Variants in MYH7B observed in about 807,000 individuals in gnomAD.
MYH7B encodes myosin heavy chain 7B.
In MYH7B, 205 loss-of-function variants were observed where a neutral mutation model predicts 234.5. The ratio of observed to expected loss-of-function variants is 0.87; its 90% CI spans 0.78 to 0.98. The LOEUF is 0.98. Among genes scored for constraint, MYH7B ranks in the 50% least tolerant of loss-of-function variants. The pLI is 0.00. For synonymous variants in MYH7B, 1,193 were observed against 1,105.0 expected (o/e 1.08, Z -1.58); for missense variants, 2,652 against 2,633.4 (o/e 1.01, Z -0.15).
chr20:34,984,563 C>A, intron 10 of MYH7B, 129 bp from the exon 11 acceptor site: 1 of 777,344 alleles, frequency 1.3e-6, no homozygotes, highest in Non-Finnish European at 2.1e-6. Context: ...AGGGTGGGGG[C>A]CATGCATTCC....
intron 23 of MYH7B, 79 bp downstream of exon 23, chr20:34,990,904 A>G (rs938616268): frequency 1.9e-6 from 3 of 1,573,362 alleles, no homozygotes; most frequent in Admixed American, 3.4e-5. Context: ...GAGGCTGAGT[A>G]CATCTTCCCC....
chr20:34,972,457 C>T (rs75514248), intron 2 of MYH7B, among the ~76,000 whole-genome samples: 1,892 of 152,154 alleles, frequency 0.012, 32 homozygotes, highest in African/African-American at 0.043. Context: ...ACGAAGTACA[C>T]GTACCCCATT....
chr20:34,979,628 G>C (rs778356404), intron 6 of MYH7B, 33 bp from the exon 7 acceptor site: 1 of 1,613,378 alleles, frequency 6.2e-7, no homozygotes, highest in African/African-American at 1.3e-5. Flanking sequence ...GTTCCTCCCG[G>C]TCCCCCGGCC....
At chr20:34,984,065 G>A (rs1027000756) in intron 10 of MYH7B, among the ~76,000 whole-genome samples, 4 of 152,206 alleles carry the variant, frequency 2.6e-5, no homozygotes, top group East Asian at 3.9e-4. Context: ...CTGCCCTGCC[G>A]CTCCTGACTT....
intron 9 of MYH7B, 186 bp downstream of exon 9, chr20:34,981,246 A>T (rs2081937112): frequency 1.5e-6 from 1 of 655,948 alleles, no homozygotes; most frequent in African/African-American, 1.8e-5. Context: ...TTCTGAACAG[A>T]TGTGTTCTTG....
intron 3 of MYH7B, among the ~76,000 whole-genome samples, chr20:34,976,583 G>T (rs190903779): frequency 6.6e-6 from 1 of 152,220 alleles, no homozygotes; most frequent in South Asian, 2.1e-4. Flanking sequence ...AGTGGGCCAC[G>T]GGAAGGTGGC....
rs770351097 is a variant in MYH7B, at chr20:34,979,379, C to CTGCA, written c.92-10_92-7dup. On this transcript the variant is annotated splice_polypyrimidine_tract_variant and intron_variant, in intron 5 of 44. Transcript: ENST00000262873. ...CCCCTCTCTGAGTCCAGAGCTCTCTCTGCAACCCAGGGAAGAAGCGAGTCT... is the reference window on the plus strand; with the variant it reads ...CCCCTCTCTGAGTCCAGAGCTCTCTCTGCATGCAACCCAGGGAAGAAGCGAGTCT... 2 of 1,607,376 alleles carry CTGCA rather than the reference C, an allele frequency of 1.2e-6. No homozygotes were observed. The highest frequency in any genetic ancestry group is 4.5e-5 in the East Asian group (2 of 44,786).
At chr20:34,986,454 A>G (rs1329463662) in intron 14 of MYH7B, among the ~76,000 whole-genome samples, 1 of 152,180 alleles carries the variant, frequency 6.6e-6, no homozygotes, top group Non-Finnish European at 1.5e-5. Flanking sequence ...GAGACTAGAG[A>G]GGTCCCACCC....
In MYH7B at chr20:34,982,658, C is replaced by A. The variant is rs190781095; in HGVS notation, c.624+103C>A. Reference sequence around the variant, plus strand: ...TTCCCCCTTTTTAAAAATTTTACTCCCCAGAACCCTGAGCCCTGCCTGAGC... The same window carrying A: ...TTCCCCCTTTTTAAAAATTTTACTCACCAGAACCCTGAGCCCTGCCTGAGC... On this transcript the variant is annotated intron_variant, in intron 10 of 44. Coordinates refer to ENST00000262873, the Ensembl canonical transcript of MYH7B. The A allele has an allele frequency of 5.2e-4, 539 of 1,028,848 alleles. 2 individuals carry two copies. In the African/African-American group the frequency reaches 7.8e-3, roughly 15 times the overall value. The allele number at this position is 1,028,848 out of a possible 1,614,324, so 63.7% of individuals were successfully genotyped here.
intron 2 of MYH7B, among the ~76,000 whole-genome samples, chr20:34,971,652 A>G (rs945593611): frequency 6.6e-6 from 1 of 152,042 alleles, no homozygotes; most frequent in Non-Finnish European, 1.5e-5. Context: ...TGGGACCATT[A>G]TGGCAGCCTC....
rs763700902 is a variant in MYH7B at position 35,001,314 on chromosome 20, A to G, written c.5545A>G (p.Lys1849Glu). Residue 1849 changes from lysine to glutamate, a missense_variant, in exon 42 of 45, where the codon AAG becomes GAG. Physicochemically the swap from Lys to Glu is moderately conservative, Grantham distance 56. Coordinates refer to ENST00000262873, the Ensembl canonical transcript of MYH7B. Reference sequence around the variant, plus strand: ...CGCCGAGGCCCTTAAGGGCGTGCGCAAGCATGAGCGCCGTGTCAAGGAGCT... The same window carrying G: ...CGCCGAGGCCCTTAAGGGCGTGCGCGAGCATGAGCGCCGTGTCAAGGAGCT... 3.7e-6 allele frequency: 6 copies of G among 1,612,136 alleles called. No homozygotes were observed. In the Admixed American group the frequency reaches 8.4e-5, roughly 23 times the overall value.
At chr20:34,999,239 G>C in exon 36 of MYH7B, 16 of 1,609,528 alleles carry the variant, frequency 9.9e-6, no homozygotes, top group Non-Finnish European at 1.4e-5. Context: ...ACTTGGAACG[G>C]GCACTGGAGG....
At chr20:34,992,243 G>A (rs905975614) in intron 24 of MYH7B, among the ~76,000 whole-genome samples, 47 of 151,936 alleles carry the variant, frequency 3.1e-4, no homozygotes, top group Non-Finnish European at 2.9e-4. Context: ...AAAATTAGCC[G>A]GGCGTGGTGG....
At chr20:35,002,382 A>T in exon 45 of MYH7B, 1 of 497,832 alleles carries the variant, frequency 2.0e-6, no homozygotes, top group East Asian at 3.3e-5. Context: ...AGTCCTAGGG[A>T]CAAAAGCCAG....
rs1193818741 is a variant in MYH7B at position 34,998,673 on chromosome 20, G to A, written c.3993+44G>A. On this transcript the variant is annotated intron_variant, in intron 34 of 44. Transcript: ENST00000262873. ...CCATGGAGTGGGCAGGTGGGCACCA[G>A]AGCCACTGGGCTGCACTAACGCTGA... 3 of 1,612,308 alleles carry A rather than the reference G, an allele frequency of 1.9e-6. No homozygotes were observed. In the African/African-American group the frequency reaches 4.0e-5, roughly 22 times the overall value.
chr20:34,962,821 G>A (rs2081710434), intron 2 of MYH7B, among the ~76,000 whole-genome samples: 1 of 152,152 alleles, frequency 6.6e-6, no homozygotes, highest in South Asian at 2.1e-4. Context: ...ATCTCGGCCG[G>A]GTGCAGTGGC....
exon 36 of MYH7B, chr20:34,999,056 A>G (rs755180925): frequency 6.2e-7 from 1 of 1,606,844 alleles, no homozygotes; most frequent in South Asian, 1.1e-5. Flanking sequence ...CATGGCCTAG[A>G]AAAAAGCTGG....
At chr20:34,993,187 G>A (rs2082188254) in exon 25 of MYH7B, 2 of 1,614,020 alleles carry the variant, frequency 1.2e-6, no homozygotes, top group Non-Finnish European at 1.7e-6. Flanking sequence ...GGGCTCGCTG[G>A]ACTTGGATCA....
Position 34,993,235 on chromosome 20 carries a change from C to T in MYH7B, c.2307+10C>T, listed in dbSNP as rs8123525. ...GTTTGGCCACACCAAGGTCGGGGCA[C>T]TGTGGGATCAGGGCTGGCCATGGCT... On this transcript the variant is annotated intron_variant, in intron 25 of 44. Transcript: ENST00000262873. 13,333 of 1,613,876 alleles carry T rather than the reference C, an allele frequency of 8.3e-3. 919 individuals carry two copies. The African/African-American group carries it at 0.15, about 19-fold the overall frequency.
Sources: allele counts gnomAD v4.1 joint callset (sites outside exome capture counted in the v4.1 genomes callset), GRCh38; gene constraint gnomAD v4.1.1; transcripts MANE v1.5; gene names NCBI Gene and HGNC (gene_info 2026-07-23, HGNC 2026-07-21).